The following ACSS2 variants were observed in gnomAD, a reference collection of about 807,000 sequenced individuals.
ACSS2 encodes acetyl-coenzyme A synthetase, cytoplasmic.
ACSS2 carries 58 observed loss-of-function variants against 90.6 expected under a neutral mutation model. The ratio of observed to expected loss-of-function variants is 0.64; its 90% CI spans 0.52 to 0.80. The LOEUF (loss-of-function observed/expected upper bound fraction) is 0.80, where lower values mean the gene tolerates loss of function less well. ACSS2 is among the 30% of genes least tolerant of loss of function. The pLI is 0.00. For synonymous variants in ACSS2, 300 were observed against 330.9 expected (o/e 0.91, Z 1.01); for missense variants, 759 against 912.0 (o/e 0.83, Z 2.16).
chr20:34,884,772 A>G (rs193242187), intron 2 of ACSS2, among the ~76,000 whole-genome samples: 39 of 152,320 alleles, frequency 2.6e-4, no homozygotes, highest in Admixed American at 8.5e-4. Context: ...AAGATCTTCA[A>G]AGGAGGCCGG....
At position 34,921,777 on chromosome 20, in the gene ACSS2, T is replaced by C. The variant is rs2081206272; in HGVS notation, c.1468-9T>C. The C allele has an allele frequency of 6.2e-7, 1 of 1,613,292 alleles. No individual in the cohort carries two copies. The highest frequency in any genetic ancestry group is 8.5e-7 in the Non-Finnish European group (1 of 1,179,716). The stretch of plus-strand genomic sequence containing the variant: ...CTCTTCTTGGGTTCTGTCTCCCGTT[T>C]GCTTCTAGACTTTCCCATTCTTTGG... On this transcript the variant is annotated splice_polypyrimidine_tract_variant and intron_variant, in intron 12 of 17. Coordinates refer to ENST00000360596, the MANE Select transcript of ACSS2 (RefSeq NM_018677.4).
At chr20:34,922,998 C>G (rs1040918558) in intron 13 of ACSS2, 4 of 200,624 alleles carry the variant, frequency 2.0e-5, no homozygotes, top group Non-Finnish European at 4.1e-5. Flanking sequence ...AAAGGAGACA[C>G]AAATTTACTA....
At chr20:34,913,984 C>A in intron 5 of ACSS2, 112 bp from the exon 6 acceptor site, 2 of 1,405,096 alleles carry the variant, frequency 1.4e-6, no homozygotes, top group South Asian at 2.4e-5. Flanking sequence ...CAGCTCGAAT[C>A]AGCTGGAAGA....
chr20:34,915,368 C>A, intron 7 of ACSS2: 1 of 1,282,378 alleles, frequency 7.8e-7, no homozygotes, highest in Non-Finnish European at 1.1e-6. Context: ...TAACCTCCTT[C>A]CCCTTGCCCC....
At chr20:34,915,877 G>A (rs1418843556) in intron 7 of ACSS2, among the ~76,000 whole-genome samples, 1 of 152,078 alleles carries the variant, frequency 6.6e-6, no homozygotes, top group African/African-American at 2.4e-5. Flanking sequence ...TGGGCCTGAA[G>A]TCCAGAGACC....
At position 34,913,810 on chromosome 20, in the gene ACSS2, C is replaced by T; in HGVS notation, c.628C>T (p.Leu210Phe). 1 of 1,614,078 alleles carries T rather than the reference C, an allele frequency of 6.2e-7. No individual in the cohort carries two copies. The highest frequency in any genetic ancestry group is 8.5e-7 in the Non-Finnish European group (1 of 1,179,960). ...ACGGATCTTGGATTCCAGCTGCAGTCTTCTCATCACTACAGGTGACTAATT... is the reference window on the plus strand; with the variant it reads ...ACGGATCTTGGATTCCAGCTGCAGTTTTCTCATCACTACAGGTGACTAATT... ...CERILDSSCS[L>F]LITTDAFYRG... The change falls in exon 5 of 18, where the codon CTT becomes TTT. Residue 210 changes from leucine (L) to phenylalanine (F), a missense_variant. Coordinates refer to ENST00000360596, the MANE Select transcript of ACSS2 (RefSeq NM_018677.4).
intron 2 of ACSS2, among the ~76,000 whole-genome samples, chr20:34,889,021 T>TC (rs1013869923): frequency 2.0e-5 from 3 of 151,930 alleles, no homozygotes; most frequent in Non-Finnish European, 2.9e-5. Context: ...TTTTTTTTTT[T>TC]TGAGACAGAG....
chr20:34,877,396 T>G (rs1312146020), intron 1 of ACSS2, among the ~76,000 whole-genome samples: 1 of 152,198 alleles, frequency 6.6e-6, no homozygotes, highest in Admixed American at 6.5e-5. Context: ...TAATGGAAAT[T>G]ACGCGGTATA....
chr20:34,896,601 T>C (rs2080466607), intron 2 of ACSS2, among the ~76,000 whole-genome samples: 1 of 152,256 alleles, frequency 6.6e-6, no homozygotes, highest in Non-Finnish European at 1.5e-5. Context: ...AAGTGCTCAC[T>C]GTGTATTGGC....
rs1472234267 is a variant in ACSS2 at position 34,902,898 on chromosome 20, T to C, written c.375-10198T>C. Among the ~76,000 whole-genome samples the C allele has an allele frequency of 2.0e-5, 3 of 150,308 alleles. No homozygotes were observed. In the East Asian group the frequency reaches 5.9e-4, roughly 29 times the overall value. On this transcript the variant is annotated intron_variant, in intron 2 of 17. Coordinates refer to ENST00000360596, the MANE Select transcript of ACSS2 (RefSeq NM_018677.4). ...GTGCCACCACACCTGGCTATTTTTT[T>C]TTTTTTTTTTTTTTAGTAGAGAGAG...
At position 34,914,411 on chromosome 20, in the gene ACSS2, A is replaced by G. The variant is rs1175161715; in HGVS notation, c.808A>G (p.Ile270Val). Residue 270 changes from isoleucine to valine, a missense_variant, in exon 7 of 18, where the codon ATT becomes GTT. Ile to Val is a conservative substitution (Grantham distance 29, BLOSUM62 3). Coordinates refer to ENST00000360596, the MANE Select transcript of ACSS2 (RefSeq NM_018677.4). ...TGACTCCACCAGCCAGTCCCCCCCA[A>G]TTAAGAGGTCATGCCCAGATGTGCA... ...MGDSTSQSPP[I>V]KRSCPDVQIS... 11 of 1,613,674 alleles carry G rather than the reference A, an allele frequency of 6.8e-6. No homozygotes were observed. Among genetic ancestry groups the G allele is most frequent in the Non-Finnish European group, 9.3e-6 (11 of 1,179,894 alleles).
intron 6 of ACSS2, 32 bp from the exon 7 acceptor site, chr20:34,914,291 A>G: frequency 1.2e-6 from 2 of 1,605,854 alleles, no homozygotes; most frequent in Admixed American, 1.7e-5. Flanking sequence ...TGAGCCAACA[A>G]GGCTACCACT....
intron 2 of ACSS2, among the ~76,000 whole-genome samples, chr20:34,892,284 G>A (rs1284418614): frequency 1.3e-5 from 2 of 152,188 alleles, no homozygotes. Context: ...CTCAGAAGGC[G>A]TGGAGTTGAG....
Position 34,920,455 on chromosome 20 carries a change from C to T in ACSS2, c.973-84C>T. On this transcript the variant is annotated intron_variant, in intron 8 of 17. Coordinates refer to ENST00000360596, the MANE Select transcript of ACSS2 (RefSeq NM_018677.4). ...CAGGGCTGGAATCCCTGAGGAGGATCTTCCTCCAGCTCTGCCCAGCCTCCA... is the reference window on the plus strand; with the variant it reads ...CAGGGCTGGAATCCCTGAGGAGGATTTTCCTCCAGCTCTGCCCAGCCTCCA... The T allele has an allele frequency of 2.2e-6, 3 of 1,380,286 alleles. No individual in the cohort carries two copies. The African/African-American group carries it at 4.3e-5, about 20-fold the overall frequency. The allele number at this position is 1,380,286 out of a possible 1,614,324, so 85.5% of individuals were successfully genotyped here.
At chr20:34,906,872 A>G (rs2080818693) in intron 2 of ACSS2, among the ~76,000 whole-genome samples, 2 of 149,814 alleles carry the variant, frequency 1.3e-5, no homozygotes, top group Admixed American at 6.7e-5. Context: ...AATCCCAACT[A>G]CCTGGGAGGC....
At chr20:34,924,248 A>G (rs2081267388) in intron 14 of ACSS2, among the ~76,000 whole-genome samples, 1 of 152,242 alleles carries the variant, frequency 6.6e-6, no homozygotes, top group African/African-American at 2.4e-5. Context: ...CTGATCATGA[A>G]TAATGTAGTC....
At chr20:34,914,227 C>T in intron 6 of ACSS2, 56 bp downstream of exon 6, 1 of 1,608,438 alleles carries the variant, frequency 6.2e-7, no homozygotes. Flanking sequence ...GTGCCAGGTT[C>T]CCTTTGTCCC....
At chr20:34,924,430 G>A (rs2081271956) in intron 14 of ACSS2, among the ~76,000 whole-genome samples, 1 of 152,236 alleles carries the variant, frequency 6.6e-6, no homozygotes, top group East Asian at 1.9e-4. Context: ...AGACTTCTCT[G>A]AATTGACATT....
intron 15 of ACSS2, 95 bp downstream of exon 15, chr20:34,925,861 G>A: frequency 7.2e-7 from 1 of 1,397,054 alleles, no homozygotes; most frequent in Non-Finnish European, 9.8e-7. Flanking sequence ...GTGTCCTTTG[G>A]CCAGACCATG....
Sources: gnomAD v4.1 joint callset for allele counts (sites outside exome capture counted in the v4.1 genomes callset) on GRCh38, gnomAD v4.1.1 for gene constraint, MANE v1.5 for transcripts, NCBI Gene and HGNC (gene_info 2026-07-23, HGNC 2026-07-21) for gene names.